TMC1: variants seen among roughly 807,000 people sequenced by gnomAD.
TMC1 encodes transmembrane channel-like protein 1.
In TMC1, 84 loss-of-function variants were observed where a neutral mutation model predicts 105.8. The ratio of observed to expected loss-of-function variants is 0.79; its 90% CI spans 0.67 to 0.95. The LOEUF (loss-of-function observed/expected upper bound fraction) is 0.95. Ranked by LOEUF, TMC1 falls within the 40% of genes least tolerant of loss-of-function variation. The probability of loss-of-function intolerance (pLI) is 0.00; values close to 1 mark genes in which losing one functional copy is unlikely to be tolerated. For synonymous variants in TMC1, 315 were observed against 311.5 expected, an observed-to-expected ratio of 1.01 and a Z score of -0.12; for missense variants, 817 against 914.1, an observed-to-expected ratio of 0.89 and a Z score of 1.37.
At chr9:72,619,824 A>ATTT (rs1564449057) in intron 3 of TMC1, among the ~76,000 whole-genome samples, 8 of 150,824 alleles carry the variant, frequency 5.3e-5, no homozygotes, top group African/African-American at 9.7e-5. Context: ...TTAATTAATT[A>ATTT]ATTAATTAAT....
intron 8 of TMC1, among the ~76,000 whole-genome samples, chr9:72,729,775 A>G (rs984668569): frequency 1.3e-5 from 2 of 152,246 alleles, no homozygotes; most frequent in South Asian, 4.1e-4. Flanking sequence ...AGAGAAAAAC[A>G]TAACACATTT....
intron 4 of TMC1, among the ~76,000 whole-genome samples, chr9:72,648,232 A>G (rs1825745604): frequency 3.9e-5 from 6 of 152,122 alleles, no homozygotes; most frequent in Admixed American, 3.3e-4. Context: ...TTACCTTTCT[A>G]AGGGTGCACT....
chr9:72,741,985 A>G (rs750863699), intron 9 of TMC1, among the ~76,000 whole-genome samples: 55 of 152,352 alleles, frequency 3.6e-4, no homozygotes, highest in Admixed American at 7.8e-4. Flanking sequence ...ATCCTGGTAG[A>G]TCAGAAGGCT....
At chr9:72,655,736 C>A (rs72733008) in intron 5 of TMC1, 9 of 435,858 alleles carry the variant, frequency 2.1e-5, no homozygotes, top group Non-Finnish European at 2.8e-5. Flanking sequence ...ACCGAGAATC[C>A]GTATCAAAAA....
chr9:72,733,301 C>T (rs1280261272), intron 8 of TMC1, among the ~76,000 whole-genome samples: 1 of 151,840 alleles, frequency 6.6e-6, no homozygotes. Context: ...TTCCTGACTG[C>T]CTCCTCCCAG....
chr9:72,738,241 T>G (rs1827333533), intron 8 of TMC1, among the ~76,000 whole-genome samples: 2 of 151,968 alleles, frequency 1.3e-5, no homozygotes, highest in Non-Finnish European at 2.9e-5. Context: ...GTGCCTATAT[T>G]TTTATGCCAG....
intron 12 of TMC1, among the ~76,000 whole-genome samples, chr9:72,762,674 T>G (rs55991755): frequency 0.19 from 29,536 of 152,086 alleles, 3,102 homozygotes; most frequent in African/African-American, 0.25. Flanking sequence ...CTTTCCCTAG[T>G]AGCAGAGATC....
intron 2 of TMC1, among the ~76,000 whole-genome samples, chr9:72,597,135 A>G (rs1055787299): frequency 1.3e-5 from 2 of 152,274 alleles, no homozygotes; most frequent in South Asian, 4.1e-4. Context: ...GAAATTCCTA[A>G]TAAGAAAAGT....
chr9:72,806,260 C>T lies in TMC1; in HGVS notation c.1695+750C>T, dbSNP rs566843133. Among the ~76,000 whole-genome samples the T allele has an allele frequency of 4.7e-5, 7 of 149,928 alleles. No homozygotes were observed. In the East Asian group the frequency reaches 1.4e-3, roughly 30 times the overall value. ...CCTCCCTCCCGGATGGGGCGGCTGG[C>T]CGGGCAGAGGGGCTCCTCACTTCCC... On this transcript the variant is annotated intron_variant, in intron 18 of 23. Coordinates refer to ENST00000297784, the MANE Select transcript of TMC1 (RefSeq NM_138691.3).
intron 12 of TMC1, among the ~76,000 whole-genome samples, chr9:72,762,612 T>C (rs1827774138): frequency 6.6e-6 from 1 of 152,234 alleles, no homozygotes; most frequent in African/African-American, 2.4e-5. Context: ...GCTAAGCCTC[T>C]TGTGGACAAA....
At chr9:72,536,576 C>T (rs957773602) in intron 1 of TMC1, among the ~76,000 whole-genome samples, 2 of 152,202 alleles carry the variant, frequency 1.3e-5, no homozygotes, top group Non-Finnish European at 2.9e-5. Context: ...TCGTGATCCG[C>T]CTGCCTCAGC....
At chr9:72,814,136 G>A (rs190363957) in intron 18 of TMC1, among the ~76,000 whole-genome samples, 1 of 152,174 alleles carries the variant, frequency 6.6e-6, no homozygotes, top group Admixed American at 6.5e-5. Context: ...TAGTTTGGTG[G>A]GCCACCTCAT....
At chr9:72,816,317 C>A (rs1442268200) in intron 19 of TMC1, 107 bp downstream of exon 19, 3 of 1,127,160 alleles carry the variant, frequency 2.7e-6, no homozygotes, top group Non-Finnish European at 4.0e-6. Context: ...CGGTGTCTAA[C>A]TCCATATTTA....
intron 2 of TMC1, among the ~76,000 whole-genome samples, chr9:72,613,066 A>G (rs1473982416): frequency 6.6e-6 from 1 of 150,932 alleles, no homozygotes; most frequent in Non-Finnish European, 1.5e-5. Flanking sequence ...TCTAGTTCTT[A>G]TTTTTTAATT....
At chr9:72,745,523 G>C (rs1233918945) in intron 10 of TMC1, among the ~76,000 whole-genome samples, 1 of 152,070 alleles carries the variant, frequency 6.6e-6, no homozygotes, top group Non-Finnish European at 1.5e-5. Context: ...ACTTTTTAGT[G>C]AGTGATTTAT....
chr9:72,759,202 G>T (rs1188776317), intron 12 of TMC1, among the ~76,000 whole-genome samples: 2 of 152,062 alleles, frequency 1.3e-5, no homozygotes, highest in Non-Finnish European at 2.9e-5. Flanking sequence ...GAGTGTGCTC[G>T]AACAGACTGG....
At chr9:72,536,447 C>T (rs541019307) in intron 1 of TMC1, among the ~76,000 whole-genome samples, 12 of 152,266 alleles carry the variant, frequency 7.9e-5, no homozygotes, top group Admixed American at 6.5e-4. Flanking sequence ...ATTCTCCTGC[C>T]TCAGCCTCCT....
intron 18 of TMC1, among the ~76,000 whole-genome samples, chr9:72,815,663 G>A (rs936241027): frequency 6.6e-5 from 10 of 151,990 alleles, no homozygotes; most frequent in Non-Finnish European, 1.2e-4. Context: ...GTAATTCATT[G>A]CAATATATCA....
At chr9:72,766,989 G>A (rs1256337109) in intron 12 of TMC1, among the ~76,000 whole-genome samples, 3 of 152,194 alleles carry the variant, frequency 2.0e-5, no homozygotes, top group Non-Finnish European at 4.4e-5. Flanking sequence ...TTCTTGTGAC[G>A]TTAGTTGAGG....
Sources: allele counts gnomAD v4.1 joint callset (sites outside exome capture counted in the v4.1 genomes callset), GRCh38; gene constraint gnomAD v4.1.1; transcripts MANE v1.5; gene names NCBI Gene and HGNC (gene_info 2026-07-23, HGNC 2026-07-21).